Variants in MAML2 observed in about 807,000 individuals in gnomAD.
MAML2 encodes mastermind-like protein 2.
In MAML2, 22 loss-of-function variants were observed where a neutral mutation model predicts 96.1. The ratio of observed to expected loss-of-function variants is 0.23; its 90% CI spans 0.16 to 0.33. MAML2 has a LOEUF of 0.33. Among genes scored for constraint, MAML2 ranks in the 10% least tolerant of loss-of-function variants. The pLI, the probability that MAML2 is intolerant of heterozygous loss-of-function variation, is 1.00. For missense variants in MAML2, 1,367 were observed against 1,392.4 expected, an observed-to-expected ratio of 0.98 and a Z score of 0.29; for synonymous variants, 561 against 521.3, an observed-to-expected ratio of 1.08 and a Z score of -1.04.
chr11:96,314,146 A>G (rs1294941431), intron 1 of MAML2, among the ~76,000 whole-genome samples: 1 of 152,224 alleles, frequency 6.6e-6, no homozygotes, highest in Non-Finnish European at 1.5e-5. Flanking sequence ...AAGGTCTCCT[A>G]AGGCTAGTTC....
At chr11:96,105,316 G>A (rs1443291788) in intron 1 of MAML2, among the ~76,000 whole-genome samples, 1 of 152,166 alleles carries the variant, frequency 6.6e-6, no homozygotes, top group African/African-American at 2.4e-5. Flanking sequence ...GCATTCCCAG[G>A]GGAGGTCTGG....
chr11:96,208,023 T>C (rs1482125986), intron 1 of MAML2, among the ~76,000 whole-genome samples: 1 of 152,142 alleles, frequency 6.6e-6, no homozygotes, highest in Non-Finnish European at 1.5e-5. Flanking sequence ...AAACTCAGAG[T>C]CTCCATCATA....
At chr11:96,270,699 C>A (rs141316620) in intron 1 of MAML2, among the ~76,000 whole-genome samples, 101 of 152,290 alleles carry the variant, frequency 6.6e-4, no homozygotes, top group African/African-American at 2.2e-3. Context: ...CGAGAATGAT[C>A]CATTGAATAC....
intron 2 of MAML2, among the ~76,000 whole-genome samples, chr11:95,999,673 T>C (rs1858051142): frequency 6.6e-6 from 1 of 152,098 alleles, no homozygotes. Flanking sequence ...AAGGGGACTG[T>C]ATAATGATTT....
chr11:96,267,351 G>A (rs1340299557), intron 1 of MAML2, among the ~76,000 whole-genome samples: 1 of 152,078 alleles, frequency 6.6e-6, no homozygotes, highest in Non-Finnish European at 1.5e-5. Flanking sequence ...GATTATAGAT[G>A]CTTAATTCGG....
chr11:96,340,793 C>A (rs1405222314), intron 1 of MAML2, among the ~76,000 whole-genome samples: 8 of 152,138 alleles, frequency 5.3e-5, no homozygotes, highest in Admixed American at 4.6e-4. Flanking sequence ...GAAACAGTGC[C>A]TCCCTAGTCT....
chr11:96,221,524 G>C (rs373887426), intron 1 of MAML2, among the ~76,000 whole-genome samples: 34 of 152,138 alleles, frequency 2.2e-4, no homozygotes, highest in African/African-American at 8.2e-4. Context: ...TTATTACTCT[G>C]GGGAAAGCAG....
chr11:96,264,804 C>T (rs937920829), intron 1 of MAML2, among the ~76,000 whole-genome samples: 9 of 152,186 alleles, frequency 5.9e-5, no homozygotes, highest in African/African-American at 2.2e-4. Flanking sequence ...ATCATTGCTT[C>T]AAATACTCTA....
chr11:96,225,476 G>A (rs1410201770), intron 1 of MAML2, among the ~76,000 whole-genome samples: 1 of 152,174 alleles, frequency 6.6e-6, no homozygotes, highest in Admixed American at 6.5e-5. Context: ...TCTGATTCCT[G>A]ACTCTTAGAA....
chr11:96,273,391 C>T (rs1195952614), intron 1 of MAML2, among the ~76,000 whole-genome samples: 1 of 151,952 alleles, frequency 6.6e-6, no homozygotes, highest in Non-Finnish European at 1.5e-5. Context: ...CAATATTTGA[C>T]CTGGGAAAAA....
intron 1 of MAML2, among the ~76,000 whole-genome samples, 174 bp from the exon 2 acceptor site, chr11:96,093,691 C>T (rs1220994974): frequency 1.3e-5 from 2 of 152,158 alleles, no homozygotes; most frequent in Non-Finnish European, 2.9e-5. Context: ...TATAATAAAA[C>T]TCTCAGTAGC....
chr11:96,013,557 C>T (rs1858296604), intron 2 of MAML2, among the ~76,000 whole-genome samples: 2 of 152,136 alleles, frequency 1.3e-5, no homozygotes, highest in South Asian at 4.1e-4. Flanking sequence ...TGTTGCATTT[C>T]CCAAGACCAC....
intron 2 of MAML2, among the ~76,000 whole-genome samples, chr11:96,034,432 T>TGTGTGTGAGA (rs549312275): frequency 1.5e-4 from 21 of 135,654 alleles, no homozygotes; most frequent in Non-Finnish European, 2.4e-4. Flanking sequence ...TGTGTGTGTG[T>TGTGTGTGAGA]GAGAGAGAGA....
chr11:96,183,479 C>A (rs1861522587), intron 1 of MAML2, among the ~76,000 whole-genome samples: 1 of 150,908 alleles, frequency 6.6e-6, no homozygotes, highest in Non-Finnish European at 1.5e-5. Context: ...CTCACTGCAG[C>A]CTTGACCTCC....
chr11:96,197,814 G>A (rs1362526679), intron 1 of MAML2, among the ~76,000 whole-genome samples: 2 of 152,214 alleles, frequency 1.3e-5, no homozygotes, highest in African/African-American at 2.4e-5. Flanking sequence ...CCTCCTCTGA[G>A]GGGATAGAAG....
chr11:96,180,909 G>A (rs1861473753), intron 1 of MAML2, among the ~76,000 whole-genome samples: 1 of 151,670 alleles, frequency 6.6e-6, no homozygotes, highest in Non-Finnish European at 1.5e-5. Context: ...CAGTCAAAGG[G>A]GGTTTGTTCT....
intron 1 of MAML2, among the ~76,000 whole-genome samples, chr11:96,217,214 G>A (rs566923972): frequency 1.3e-5 from 2 of 152,308 alleles, no homozygotes; most frequent in African/African-American, 4.8e-5. Flanking sequence ...CCATGTCACT[G>A]GAAATATTTC....
chr11:96,283,748 A>G (rs1417898187), intron 1 of MAML2, among the ~76,000 whole-genome samples: 1 of 151,838 alleles, frequency 6.6e-6, no homozygotes, highest in Non-Finnish European at 1.5e-5. Context: ...CTAGTGATTC[A>G]CTCCTGCTTT....
chr11:96,280,304 T>C (rs1392288322), intron 1 of MAML2, among the ~76,000 whole-genome samples: 1 of 151,846 alleles, frequency 6.6e-6, no homozygotes, highest in Non-Finnish European at 1.5e-5. Flanking sequence ...ATTTACTCAT[T>C]TTTTTTTAAA....
Sources: gnomAD v4.1 joint callset for allele counts (sites outside exome capture counted in the v4.1 genomes callset) on GRCh38, gnomAD v4.1.1 for gene constraint, MANE v1.5 for transcripts, NCBI Gene and HGNC (gene_info 2026-07-23, HGNC 2026-07-21) for gene names.